TMEM117: variants seen among roughly 807,000 people sequenced by gnomAD.
TMEM117 encodes the protein transmembrane protein 117.
In TMEM117, 27 loss-of-function variants were observed where a neutral mutation model predicts 52.4. The observed-to-expected ratio is 0.51, with a 90% CI of 0.38 to 0.71. The LOEUF (loss-of-function observed/expected upper bound fraction) is 0.71. Among genes scored for constraint, TMEM117 ranks in the 30% least tolerant of loss-of-function variants. The probability of loss-of-function intolerance (pLI) is 0.00; values close to 1 mark genes in which losing one functional copy is unlikely to be tolerated. For missense variants in TMEM117, 556 were observed against 630.5 expected (o/e 0.88, Z 1.26); for synonymous variants, 215 against 206.3 (o/e 1.04, Z -0.36).
At chr12:44,130,480 CTATTTCT>C (rs1442372447) in intron 3 of TMEM117, among the ~76,000 whole-genome samples, 1 of 152,050 alleles carries the variant, frequency 6.6e-6, no homozygotes, top group African/African-American at 2.4e-5. Flanking sequence ...TTAGTTTTGG[CTATTTCT>C]GAGTTTTATA....
At chr12:43,872,793 A>T (rs185894956) in intron 2 of TMEM117, among the ~76,000 whole-genome samples, 1 of 152,218 alleles carries the variant, frequency 6.6e-6, no homozygotes, top group Non-Finnish European at 1.5e-5. Flanking sequence ...AAATTCAACC[A>T]GTCTTTGAAT....
intron 6 of TMEM117, among the ~76,000 whole-genome samples, chr12:44,368,084 C>T (rs1951814664): frequency 6.6e-6 from 1 of 152,078 alleles, no homozygotes; most frequent in Admixed American, 6.6e-5. Flanking sequence ...TTTGTACTTG[C>T]TCTTTCCTCT....
rs142385203 is a variant in TMEM117 at position 44,320,213 on chromosome 12, C to T, written c.768+20474C>T. Among the ~76,000 whole-genome samples the T allele has an allele frequency of 1.6e-4, 25 of 152,298 alleles. No homozygotes were observed. The East Asian group carries it at 4.8e-3, about 29-fold the overall frequency. Reference sequence around the variant, plus strand: ...AAAAATCCAAGATTTCTCTTTCCTACTTATCTTCCAGTCAGCCATCATGCC... The same window carrying T: ...AAAAATCCAAGATTTCTCTTTCCTATTTATCTTCCAGTCAGCCATCATGCC... On this transcript the variant is annotated intron_variant, in intron 6 of 7. Transcript: ENST00000266534.
In TMEM117 at chr12:43,942,793, C is replaced by G. The variant is rs958605832; in HGVS notation, c.278-1417C>G. ...TGCTCAGTGAGATATATGAGAGATA[C>G]TGTTTGTCGCTAGAGAGATAATTTC... On this transcript the variant is annotated intron_variant, in intron 2 of 7. Coordinates refer to ENST00000266534, the MANE Select transcript of TMEM117 (RefSeq NM_032256.3). Among the ~76,000 whole-genome samples the G allele has an allele frequency of 3.9e-5, 6 of 152,058 alleles. No individual in the cohort carries two copies. The East Asian group carries it at 7.7e-4, about 20-fold the overall frequency.
chr12:44,056,658 G>C (rs1338257881), intron 3 of TMEM117, among the ~76,000 whole-genome samples: 1 of 152,092 alleles, frequency 6.6e-6, no homozygotes, highest in East Asian at 1.9e-4. Flanking sequence ...TGGGTGACTT[G>C]GGAGGAAAAA....
chr12:44,311,179 G>GTATATA (rs367612892), intron 6 of TMEM117, among the ~76,000 whole-genome samples: 1 of 151,106 alleles, frequency 6.6e-6, no homozygotes, highest in African/African-American at 2.4e-5. Flanking sequence ...TTTTATGTGA[G>GTATATA]TATATATATA....
intron 1 of TMEM117, among the ~76,000 whole-genome samples, chr12:43,842,747 C>T (rs148135600): frequency 0.015 from 2,325 of 152,070 alleles, 65 homozygotes; most frequent in African/African-American, 0.052. Flanking sequence ...CACACGTGCA[C>T]GCACACACAC....
rs1025295509 is a variant in TMEM117 at position 44,330,662 on chromosome 12, C to G, written c.768+30923C>G. 2.0e-5 allele frequency among the ~76,000 whole-genome samples: 3 copies of G among 152,012 alleles called. No individual in the cohort carries two copies. The South Asian group carries it at 6.2e-4, about 31-fold the overall frequency. On this transcript the variant is annotated intron_variant, in intron 6 of 7. Coordinates refer to ENST00000266534, the MANE Select transcript of TMEM117 (RefSeq NM_032256.3). ...TGTAGCTAGTGACTACCGTATTGGA[C>G]AAGTCCAAGATCTTGATTCTAATTG...
chr12:44,026,393 G>C (rs1946533802), intron 3 of TMEM117, among the ~76,000 whole-genome samples: 1 of 152,130 alleles, frequency 6.6e-6, no homozygotes, highest in Admixed American at 6.6e-5. Flanking sequence ...TGCTGGCCCA[G>C]ATGCCTCTGT....
At chr12:44,125,025 A>T (rs973128934) in intron 3 of TMEM117, among the ~76,000 whole-genome samples, 3 of 152,154 alleles carry the variant, frequency 2.0e-5, no homozygotes, top group African/African-American at 4.8e-5. Context: ...TTCAGCTGTG[A>T]ATCTGTCTGT....
chr12:43,835,314 C>T (rs943505890), upstream of TMEM117, among the ~76,000 whole-genome samples: 3 of 152,080 alleles, frequency 2.0e-5, no homozygotes, highest in Non-Finnish European at 4.4e-5. Context: ...TGACAGGCTC[C>T]GGAGAGCCTC....
intron 4 of TMEM117, among the ~76,000 whole-genome samples, chr12:44,151,325 G>A (rs1472718707): frequency 2.8e-5 from 4 of 145,162 alleles, no homozygotes; most frequent in African/African-American, 5.1e-5. Flanking sequence ...GTAAAGTTCC[G>A]CACCTTTTTT....
At chr12:44,200,491 A>C (rs1235749800) in intron 4 of TMEM117, among the ~76,000 whole-genome samples, 2 of 152,300 alleles carry the variant, frequency 1.3e-5, no homozygotes, top group East Asian at 3.9e-4. Context: ...CTCTCATGGA[A>C]ATACTAATTA....
chr12:44,142,037 C>T (rs955256768), intron 3 of TMEM117, among the ~76,000 whole-genome samples: 4 of 152,102 alleles, frequency 2.6e-5, no homozygotes, highest in Non-Finnish European at 4.4e-5. Flanking sequence ...TAAATTTCTG[C>T]GTTTGTGAGT....
upstream of TMEM117, among the ~76,000 whole-genome samples, chr12:43,833,103 G>C (rs773837657): frequency 6.6e-6 from 1 of 152,110 alleles, no homozygotes; most frequent in Admixed American, 6.5e-5. Flanking sequence ...ATTTTGCCTT[G>C]AAGTGGTCCT....
At chr12:43,982,460 C>A (rs1327570130) in intron 3 of TMEM117, among the ~76,000 whole-genome samples, 5 of 152,110 alleles carry the variant, frequency 3.3e-5, no homozygotes, top group African/African-American at 9.7e-5. Context: ...TGCTAAGAAA[C>A]CCCCATACTC....
intron 4 of TMEM117, among the ~76,000 whole-genome samples, chr12:44,187,037 A>G (rs1949287315): frequency 6.6e-6 from 1 of 152,196 alleles, no homozygotes; most frequent in Admixed American, 6.5e-5. Flanking sequence ...TTAAACCAGC[A>G]GTAATTTTAT....
At chr12:44,321,000 C>T (rs1951122472) in intron 6 of TMEM117, among the ~76,000 whole-genome samples, 1 of 152,154 alleles carries the variant, frequency 6.6e-6, no homozygotes, top group African/African-American at 2.4e-5. Context: ...AGAGTATTCT[C>T]AACTGGGAGC....
rs368051985 is a variant in TMEM117 at position 43,995,255 on chromosome 12, TTAA to T, written c.410+50914_410+50916del. On this transcript the variant is annotated intron_variant, in intron 3 of 7. Coordinates refer to ENST00000266534, the MANE Select transcript of TMEM117 (RefSeq NM_032256.3). ...CACTGCACTCCAGCAAGGCTCTGTC[TTAA>T]AAAAAAAAAAAAAGGAAATTAAGGG... 1.3e-3 allele frequency among the ~76,000 whole-genome samples: 196 copies of T among 150,424 alleles called. 1 individual carries two copies. Among genetic ancestry groups the T allele is most frequent in the African/African-American group, 4.2e-3 (171 of 40,902 alleles).
Sources: gnomAD v4.1 joint callset for allele counts (sites outside exome capture counted in the v4.1 genomes callset) on GRCh38, gnomAD v4.1.1 for gene constraint, MANE v1.5 for transcripts, NCBI Gene and HGNC (gene_info 2026-07-23, HGNC 2026-07-21) for gene names.